Variants in RBMS3 observed in about 807,000 individuals in gnomAD.
RBMS3 encodes the protein RNA binding motif single stranded interacting protein 3.
RBMS3 carries 27 observed loss-of-function variants against 66.8 expected under a neutral mutation model. The observed-to-expected ratio is 0.40, with a 90% confidence interval of 0.30 to 0.56. RBMS3 has a LOEUF of 0.56. Ranked by LOEUF, RBMS3 falls within the 20% of genes least tolerant of loss-of-function variation. RBMS3 has a pLI of 0.40. For missense variants in RBMS3, 513 were observed against 549.5 expected (o/e 0.93, Z 0.66); for synonymous variants, 188 against 183.0 (o/e 1.03, Z -0.22).
intron 1 of RBMS3, among the ~76,000 whole-genome samples, chr3:29,326,495 T>G (rs546575248): frequency 3.9e-5 from 6 of 152,332 alleles, no homozygotes; most frequent in Non-Finnish European, 7.3e-5. Flanking sequence ...CTTGCTTATT[T>G]ATGTTTCCAT....
chr3:29,525,795 T>A (rs531927303), intron 3 of RBMS3, among the ~76,000 whole-genome samples: 18 of 152,154 alleles, frequency 1.2e-4, no homozygotes, highest in Non-Finnish European at 2.4e-4. Context: ...AGTTTCAAGC[T>A]CCTCACAGTT....
chr3:29,655,914 TTG>T (rs1419695681), intron 4 of RBMS3, among the ~76,000 whole-genome samples: 1 of 149,830 alleles, frequency 6.7e-6, no homozygotes, highest in East Asian at 2.0e-4. Context: ...ATGTGTGTGT[TTG>T]TGTCTTTTTA....
chr3:30,003,030 A>G (rs540027449), intron 14 of RBMS3, among the ~76,000 whole-genome samples: 43 of 152,170 alleles, frequency 2.8e-4, no homozygotes, highest in South Asian at 8.3e-4. Context: ...GCTGGCATCC[A>G]ATACCCTGAG....
At chr3:29,772,329 C>A (rs531178433) in intron 6 of RBMS3, among the ~76,000 whole-genome samples, 1 of 151,950 alleles carries the variant, frequency 6.6e-6, no homozygotes, top group African/African-American at 2.4e-5. Flanking sequence ...CTAGCAACAA[C>A]GGAAAGCTAA....
intron 1 of RBMS3, among the ~76,000 whole-genome samples, chr3:29,384,336 A>ACAAG (rs2038904773): frequency 6.6e-6 from 1 of 151,916 alleles, no homozygotes; most frequent in Non-Finnish European, 1.5e-5. Context: ...AAACAAACAA[A>ACAAG]CAAATAAAAC....
chr3:29,851,288 T>A (rs756204492), intron 6 of RBMS3, among the ~76,000 whole-genome samples: 40 of 152,192 alleles, frequency 2.6e-4, no homozygotes, highest in Non-Finnish European at 5.1e-4. Flanking sequence ...TGTGAATGAA[T>A]GAATGTTCTT....
chr3:29,366,799 T>A lies in RBMS3; in HGVS notation c.76-67944T>A, dbSNP rs547650424. On this transcript the variant is annotated intron_variant, in intron 1 of 14. Coordinates refer to ENST00000383767, the MANE Select transcript of RBMS3 (RefSeq NM_001003793.3). ...AAATTAGATTAATCTTCCTGCATCA[T>A]TTTATTCCTCTTTCTATAGCGGGGC... Among the ~76,000 whole-genome samples, 4 of 152,336 alleles carry A rather than the reference T, an allele frequency of 2.6e-5. No individual in the cohort carries two copies. In the South Asian group the frequency reaches 8.3e-4, roughly 32 times the overall value.
In RBMS3 at chr3:30,005,154, G is replaced by GTTGT. The variant is rs1308441128; in HGVS notation, c.*1299_*1302dup. The GTTGT allele has an allele frequency of 6.7e-6, 1 of 149,196 alleles. No homozygotes were observed. The highest frequency in any genetic ancestry group is 2.5e-5 in the African/African-American group (1 of 40,522). The allele number at this position is 149,196 out of a possible 1,614,324, so 9.2% of individuals were successfully genotyped here. On this transcript the variant is annotated 3_prime_UTR_variant, in exon 15 of 15. Coordinates refer to ENST00000383767, the MANE Select transcript of RBMS3 (RefSeq NM_001003793.3). ...ACATGGCCGGACCAGTTCTTTCTTT[G>GTTGT]TTGTTTGTTTAAACTACCTTCCACT...
chr3:29,289,170 A>T (rs1393856720), intron 1 of RBMS3, among the ~76,000 whole-genome samples: 4 of 151,842 alleles, frequency 2.6e-5, no homozygotes, highest in Non-Finnish European at 5.9e-5. Context: ...TTCATTTGTG[A>T]AATGGGTGAA....
At chr3:29,554,635 T>C (rs79866422) in intron 3 of RBMS3, among the ~76,000 whole-genome samples, 1 of 152,176 alleles carries the variant, frequency 6.6e-6, no homozygotes, top group African/African-American at 2.4e-5. Flanking sequence ...GATTTTAAGC[T>C]AGGCTTTTCA....
chr3:29,556,127 T>TA (rs34965385), intron 3 of RBMS3, among the ~76,000 whole-genome samples: 82,333 of 151,160 alleles, frequency 0.54, 23,139 homozygotes, highest in African/African-American at 0.67. Flanking sequence ...CAATAAAGTT[T>TA]AAAAAAAAAG....
intron 10 of RBMS3, among the ~76,000 whole-genome samples, chr3:29,917,830 C>A (rs1336043793): frequency 2.0e-5 from 3 of 152,200 alleles, no homozygotes; most frequent in East Asian, 3.9e-4. Context: ...CGTTTGTGAA[C>A]CTTCTAGAAA....
chr3:29,448,757 G>A (rs574720444), intron 2 of RBMS3, among the ~76,000 whole-genome samples: 3 of 152,204 alleles, frequency 2.0e-5, no homozygotes, highest in Admixed American at 6.5e-5. Context: ...TAGGCCTCCC[G>A]TTACAAGTAT....
intron 1 of RBMS3, among the ~76,000 whole-genome samples, chr3:29,353,666 G>A (rs1379079912): frequency 6.6e-6 from 1 of 152,104 alleles, no homozygotes; most frequent in African/African-American, 2.4e-5. Flanking sequence ...TTTTGCTAAT[G>A]TGGTTCTAAT....
intron 6 of RBMS3, among the ~76,000 whole-genome samples, chr3:29,780,125 T>C (rs776546021): frequency 3.3e-5 from 5 of 151,964 alleles, no homozygotes; most frequent in Non-Finnish European, 7.4e-5. Context: ...TTGAAACATA[T>C]TGATATAGTT....
At chr3:29,701,537 G>T (rs1284265736) in intron 4 of RBMS3, among the ~76,000 whole-genome samples, 2 of 152,102 alleles carry the variant, frequency 1.3e-5, no homozygotes, top group Non-Finnish European at 2.9e-5. Context: ...GGCTGGCAGA[G>T]GTCGGAGCCA....
chr3:29,340,109 T>C (rs1384746208), intron 1 of RBMS3, among the ~76,000 whole-genome samples: 1 of 152,130 alleles, frequency 6.6e-6, no homozygotes, highest in Non-Finnish European at 1.5e-5. Context: ...CAAGCACATA[T>C]AGGAAGATAT....
chr3:29,750,069 G>T (rs2055103347), intron 5 of RBMS3, among the ~76,000 whole-genome samples: 1 of 152,136 alleles, frequency 6.6e-6, no homozygotes, highest in Non-Finnish European at 1.5e-5. Context: ...AGTCAGTAAT[G>T]TTGCAAACAA....
intron 1 of RBMS3, among the ~76,000 whole-genome samples, chr3:29,324,984 G>T (rs2035235625): frequency 6.6e-6 from 1 of 152,028 alleles, no homozygotes; most frequent in Non-Finnish European, 1.5e-5. Context: ...ACAGATGAAA[G>T]AATACATGCA....
Sources: gnomAD v4.1 joint callset for allele counts (sites outside exome capture counted in the v4.1 genomes callset) on GRCh38, gnomAD v4.1.1 for gene constraint, MANE v1.5 for transcripts, NCBI Gene and HGNC (gene_info 2026-07-23, HGNC 2026-07-21) for gene names.